TESK2: variants seen among roughly 807,000 people sequenced by gnomAD.
TESK2 encodes the protein testis associated actin remodelling kinase 2, also known as dual specificity testis-specific protein kinase 2.
Under a neutral mutation model 57.1 loss-of-function variants are expected in TESK2, and 39 were observed. The observed-to-expected ratio is 0.68, with a 90% CI of 0.53 to 0.89. The LOEUF is 0.89. TESK2 is among the 40% of genes least tolerant of loss of function. The pLI is 0.00. For missense variants in TESK2, 646 were observed against 732.1 expected, an observed-to-expected ratio of 0.88 and a Z score of 1.36; for synonymous variants, 249 against 267.9, an observed-to-expected ratio of 0.93 and a Z score of 0.69.
intron 3 of TESK2, among the ~76,000 whole-genome samples, chr1:45,393,703 T>C (rs960947025): frequency 2.0e-5 from 3 of 146,524 alleles, no homozygotes; most frequent in Admixed American, 1.4e-4. Flanking sequence ...ATTGTGCCAC[T>C]GCACTTCAGC....
intron 3 of TESK2, among the ~76,000 whole-genome samples, chr1:45,388,961 C>T (rs1013946113): frequency 1.3e-5 from 2 of 152,048 alleles, no homozygotes; most frequent in African/African-American, 2.4e-5. Flanking sequence ...ACCTTGTGAT[C>T]TGCCCGTCTC....
intron 4 of TESK2, 35 bp downstream of exon 4, chr1:45,385,877 C>T: frequency 6.5e-7 from 1 of 1,529,140 alleles, no homozygotes; most frequent in Non-Finnish European, 9.0e-7. Context: ...GAAACTAAGG[C>T]AAATACGTTA....
rs1305079423 is a variant in TESK2, at chr1:45,421,808, C to T, written c.261G>A (p.Lys87=). 1 of 1,614,064 alleles carries T rather than the reference C, an allele frequency of 6.2e-7. No individual in the cohort carries two copies. The highest frequency in any genetic ancestry group is 8.5e-7 in the Non-Finnish European group (1 of 1,179,994). Residue 87 remains lysine, a synonymous_variant, in exon 3 of 11, where the codon AAG becomes AAA. Transcript: ENST00000372086. ...CCCGGTTACTGCTCAATGTGTTCAT[C>T]TTAAGAGCCATCACCTGACCAGAAG... ...HRASGQVMAL[K]MNTLSSNRAN...
intron 3 of TESK2, among the ~76,000 whole-genome samples, chr1:45,407,831 A>G (rs1230936902): frequency 1.3e-5 from 2 of 152,184 alleles, no homozygotes; most frequent in African/African-American, 4.8e-5. Context: ...CAGCATGAGA[A>G]AGGACTTATA....
rs537322729 is a variant in TESK2 at position 45,422,679 on chromosome 1, G to T, written c.223-833C>A. On this transcript the variant is annotated intron_variant, in intron 2 of 10. Coordinates refer to ENST00000372086, the MANE Select transcript of TESK2 (RefSeq NM_007170.3). ...GGCTGGTCTCAAACTCTTGACCTCA[G>T]GTGATCTGCCTGCCTCGGCCTCCCA... is the stretch of plus-strand genomic sequence containing the variant. Among the ~76,000 whole-genome samples, 12 of 148,706 alleles carry T rather than the reference G, an allele frequency of 8.1e-5. 1 individual carries two copies. The highest frequency in any genetic ancestry group is 1.3e-4 in the Non-Finnish European group (9 of 67,116).
intron 2 of TESK2, among the ~76,000 whole-genome samples, chr1:45,437,707 G>A (rs1651288056): frequency 6.6e-6 from 1 of 152,130 alleles, no homozygotes. Context: ...TTATTATGTT[G>A]AGGTATGTTC....
At chr1:45,432,548 G>T (rs1205069793) in intron 2 of TESK2, among the ~76,000 whole-genome samples, 3 of 150,150 alleles carry the variant, frequency 2.0e-5, no homozygotes, top group Admixed American at 2.0e-4. Context: ...AAAATTAGCC[G>T]GGCATGGTGG....
intron 3 of TESK2, among the ~76,000 whole-genome samples, chr1:45,403,934 T>G (rs1649735778): frequency 7.2e-6 from 1 of 139,726 alleles, no homozygotes; most frequent in African/African-American, 2.7e-5. Flanking sequence ...TATTAATACA[T>G]ATACATACAG....
intron 1 of TESK2, among the ~76,000 whole-genome samples, chr1:45,460,761 T>G (rs1652301573): frequency 6.6e-6 from 1 of 152,072 alleles, no homozygotes; most frequent in East Asian, 1.9e-4. Context: ...CCCTCATCAC[T>G]AAAAAAATAA....
chr1:45,344,918 T>G lies in TESK2; in HGVS notation c.1638A>C (p.Glu546Asp), dbSNP rs967794685. 2.2e-5 allele frequency: 35 copies of G among 1,614,050 alleles called. No individual in the cohort carries two copies. The highest frequency in any genetic ancestry group is 2.3e-5 in the Non-Finnish European group (27 of 1,180,044). ...AGASEEMEVE[E>D]RPAGSTPATF... ...TGGCTGGAGTTGAGCCTGCTGGCCT[T>G]TCTTCTACCTCCATCTCCTCAGAAG... is the stretch of plus-strand genomic sequence containing the variant. The change falls in exon 11 of 11, where the codon GAA becomes GAC. Residue 546 changes from glutamate (E) to aspartate (D), a missense_variant. By Grantham distance (45) the Glu-to-Asp change is conservative. Coordinates refer to ENST00000372086, the MANE Select transcript of TESK2 (RefSeq NM_007170.3).
At chr1:45,421,334 G>A (rs987128888) in intron 3 of TESK2, among the ~76,000 whole-genome samples, 1 of 152,144 alleles carries the variant, frequency 6.6e-6, no homozygotes, top group South Asian at 2.1e-4. Context: ...ACTTGAGGGT[G>A]TAATTTTACA....
Position 45,363,460 on chromosome 1 carries a change from C to A in TESK2, c.394-8011G>T, listed in dbSNP as rs72890589. Among the ~76,000 whole-genome samples, 1,162 of 152,218 alleles carry A rather than the reference C, an allele frequency of 7.6e-3. 15 individuals are homozygous for A. The highest frequency in any genetic ancestry group is 0.026 in the African/African-American group (1,091 of 41,532). The stretch of plus-strand genomic sequence containing the variant: ...TGTGCTATTACTTGTAGGATAAAAC[C>A]CACAATCCTTAGAAAGGCACACAAA... On this transcript the variant is annotated intron_variant, in intron 4 of 10. Transcript: ENST00000372086.
chr1:45,347,368 C>T (rs897431475), intron 7 of TESK2, among the ~76,000 whole-genome samples: 1 of 152,106 alleles, frequency 6.6e-6, no homozygotes, highest in Non-Finnish European at 1.5e-5. Context: ...GAGTCTGAGA[C>T]CAGCCTGGCC....
chr1:45,428,433 T>C (rs1024181952), intron 2 of TESK2, among the ~76,000 whole-genome samples: 1 of 152,206 alleles, frequency 6.6e-6, no homozygotes, highest in African/African-American at 2.4e-5. Context: ...TGTATGTATC[T>C]CACAACATGG....
At chr1:45,388,091 C>T (rs72892514) in intron 3 of TESK2, among the ~76,000 whole-genome samples, 1,588 of 152,176 alleles carry the variant, frequency 0.01, 29 homozygotes, top group African/African-American at 0.036. Flanking sequence ...TACAACTCCC[C>T]AATCACTAGA....
intron 2 of TESK2, among the ~76,000 whole-genome samples, chr1:45,423,078 A>G (rs1057085625): frequency 2.2e-4 from 34 of 152,256 alleles, no homozygotes; most frequent in Non-Finnish European, 4.1e-4. Context: ...AAAATGAGGG[A>G]AAATTTTTAA....
chr1:45,472,429 G>T (rs902202386), intron 1 of TESK2, among the ~76,000 whole-genome samples: 1 of 151,758 alleles, frequency 6.6e-6, no homozygotes, highest in Admixed American at 6.6e-5. Context: ...ATGGTGGCAG[G>T]CACCTGTGAT....
intron 4 of TESK2, among the ~76,000 whole-genome samples, chr1:45,385,710 G>GTATATATATATATATATA (rs754585734): frequency 3.5e-4 from 47 of 135,280 alleles, no homozygotes; most frequent in African/African-American, 1.2e-3. Flanking sequence ...GTGTGTGTGT[G>GTATATATATATATATATA]TATATATATA....
chr1:45,446,190 G>GTC lies in TESK2; in HGVS notation c.222+11372_222+11373dup, dbSNP rs548464661. On this transcript the variant is annotated intron_variant, in intron 2 of 10. Coordinates refer to ENST00000372086, the MANE Select transcript of TESK2 (RefSeq NM_007170.3). ...TTCCTTTTTTTTTTTTTTAGACAGG[G>GTC]TCTCACTATTCTGCCCAGGATAGCT... Among the ~76,000 whole-genome samples, 81 of 149,628 alleles carry GTC rather than the reference G, an allele frequency of 5.4e-4. No individual in the cohort carries two copies. In the East Asian group the frequency reaches 0.013, roughly 23 times the overall value.
Sources: allele counts gnomAD v4.1 joint callset (sites outside exome capture counted in the v4.1 genomes callset), GRCh38; gene constraint gnomAD v4.1.1; transcripts MANE v1.5; gene names NCBI Gene and HGNC (gene_info 2026-07-23, HGNC 2026-07-21).